TXNL1: variants seen among roughly 807,000 people sequenced by gnomAD.
TXNL1 encodes thioredoxin like 1.
Under a neutral mutation model 35.5 loss-of-function variants are expected in TXNL1, and 14 were observed. That is an observed-to-expected ratio of 0.39 (90% CI 0.26 to 0.62). The LOEUF (loss-of-function observed/expected upper bound fraction) is 0.62, where lower values mean the gene tolerates loss of function less well. Ranked by LOEUF, TXNL1 falls within the 20% of genes least tolerant of loss-of-function variation. TXNL1 has a pLI of 0.47. For synonymous variants in TXNL1, 110 were observed against 115.5 expected (o/e 0.95, Z 0.31); for missense variants, 263 against 349.7 (o/e 0.75, Z 1.98).
In TXNL1 at chr18:56,624,443, T is replaced by A; in HGVS notation, c.214A>T (p.Asn72Tyr). 6.2e-7 allele frequency: 1 copy of A among 1,612,978 alleles called. No individual in the cohort carries two copies. The highest frequency in any genetic ancestry group is 2.2e-5 in the East Asian group (1 of 44,816). ...AAAAATGTAGGTGTTGCTGATATAT[T>A]GTTGGTGGCAGCTGTTCCCTAGAAT... is the stretch of plus-strand genomic sequence containing the variant. ...HQCQGTAATN[N>Y]ISATPTFLFF... The change falls in exon 3 of 8, where the codon AAT becomes TAT. Residue 72 changes from asparagine (N) to tyrosine (Y), a missense_variant. By Grantham distance (143) the Asn-to-Tyr change is moderately radical. Coordinates refer to ENST00000217515, the MANE Select transcript of TXNL1 (RefSeq NM_004786.3).
chr18:56,621,351 C>T (rs1454077373), intron 3 of TXNL1, among the ~76,000 whole-genome samples: 1 of 152,014 alleles, frequency 6.6e-6, no homozygotes, highest in Non-Finnish European at 1.5e-5. Flanking sequence ...TGTGCCACTG[C>T]ACCTGGCTAA....
chr18:56,624,656 C>G (rs2024246241), intron 2 of TXNL1, among the ~76,000 whole-genome samples, 195 bp from the exon 3 acceptor site: 1 of 152,130 alleles, frequency 6.6e-6, no homozygotes. Flanking sequence ...ATTACCATCA[C>G]ACACACAATA....
chr18:56,599,433 T>C lies in TXNL1; in HGVS notation c.*3594A>G, dbSNP rs1404501178. 1 of 152,218 alleles carries C rather than the reference T, an allele frequency of 6.6e-6. No homozygotes were observed. Among genetic ancestry groups the C allele is most frequent in the Admixed American group, 6.5e-5 (1 of 15,280 alleles). 9.4% of individuals were successfully genotyped at this position (152,218 alleles called of 1,614,324 possible). On this transcript the variant is annotated 3_prime_UTR_variant, in exon 8 of 8. Coordinates refer to ENST00000217515, the MANE Select transcript of TXNL1 (RefSeq NM_004786.3). ...TTACTATATGCATGTTATATATACT[T>C]GCTTTATGTGTATTATAAAGCATAA...
At chr18:56,611,552 T>C (rs1177551566) in intron 6 of TXNL1, among the ~76,000 whole-genome samples, 1 of 151,734 alleles carries the variant, frequency 6.6e-6, no homozygotes, top group African/African-American at 2.4e-5. Flanking sequence ...AGACTAGTAC[T>C]CCTATAGGAT....
intron 5 of TXNL1, among the ~76,000 whole-genome samples, chr18:56,615,852 C>T (rs918746885): frequency 1.3e-5 from 2 of 152,040 alleles, no homozygotes; most frequent in Non-Finnish European, 2.9e-5. Context: ...CAAAACAAGC[C>T]AGGTGCGGTG....
intron 1 of TXNL1, among the ~76,000 whole-genome samples, chr18:56,630,952 C>T (rs553788560): frequency 2.4e-4 from 36 of 151,954 alleles, no homozygotes; most frequent in African/African-American, 8.7e-4. Context: ...ATAATCATGG[C>T]TCACTGCAGC....
At chr18:56,621,910 C>T (rs570606825) in intron 3 of TXNL1, among the ~76,000 whole-genome samples, 3 of 150,252 alleles carry the variant, frequency 2.0e-5, no homozygotes, top group Non-Finnish European at 4.4e-5. Flanking sequence ...CGAGGCAGAA[C>T]TGCTTCAAAC....
intron 1 of TXNL1, among the ~76,000 whole-genome samples, chr18:56,638,101 G>C (rs1374201974): frequency 6.6e-6 from 1 of 152,202 alleles, no homozygotes; most frequent in Non-Finnish European, 1.5e-5. Context: ...AAAAGGAGCA[G>C]GTGAGAAATC....
In TXNL1 at chr18:56,616,209, A is replaced by C. The variant is rs769139007; in HGVS notation, c.562+36T>G. 6 of 1,572,198 alleles carry C rather than the reference A, an allele frequency of 3.8e-6. No individual in the cohort carries two copies. The African/African-American group carries it at 8.1e-5, about 21-fold the overall frequency. On this transcript the variant is annotated intron_variant, in intron 5 of 7. Transcript: ENST00000217515. ...TTTTATGCTAACAGTTCTACAAAGC[A>C]GAAGTTAGTTTAAAGAAAAGCTATC...
At chr18:56,611,909 T>C (rs2023999566) in intron 6 of TXNL1, among the ~76,000 whole-genome samples, 1 of 147,358 alleles carries the variant, frequency 6.8e-6, no homozygotes. Flanking sequence ...GGTGCAGTGG[T>C]GCCATCTCAG....
rs1208389711 is a variant in TXNL1 at position 56,603,017 on chromosome 18, CTT to C, written c.*8_*9del. The C allele has an allele frequency of 1.2e-6, 2 of 1,613,752 alleles. No homozygotes were observed. The highest frequency in any genetic ancestry group is 1.7e-6 in the Non-Finnish European group (2 of 1,179,788). The stretch of plus-strand genomic sequence containing the variant: ...TGATTGCAATATGGTTGTCCAGTGT[CTT>C]TTGTACCTTAGTGGCTTTCTCCTTT... On this transcript the variant is annotated 3_prime_UTR_variant, in exon 8 of 8. Transcript: ENST00000217515.
intron 3 of TXNL1, among the ~76,000 whole-genome samples, chr18:56,621,138 G>A (rs1321986253): frequency 6.6e-6 from 1 of 151,704 alleles, no homozygotes; most frequent in Non-Finnish European, 1.5e-5. Context: ...AATAAACTAA[G>A]TGGGTAAATT....
chr18:56,628,284 C>T (rs578054175), intron 1 of TXNL1, among the ~76,000 whole-genome samples: 10 of 152,216 alleles, frequency 6.6e-5, no homozygotes, highest in African/African-American at 2.2e-4. Context: ...CTGGTATTAA[C>T]CATTTTGGAG....
chr18:56,599,102 A>G lies in TXNL1; in HGVS notation c.*3925T>C, dbSNP rs540339522. The G allele has an allele frequency of 7.9e-5, 12 of 152,358 alleles. No homozygotes were observed. Among genetic ancestry groups the G allele is most frequent in the African/African-American group, 2.6e-4 (11 of 41,586 alleles). The allele number at this position is 152,358 out of a possible 1,614,324, so 9.4% of individuals were successfully genotyped here. A position where few individuals can be genotyped will look rare whatever the true frequency, so the allele number is the denominator to read the frequency against. On this transcript the variant is annotated 3_prime_UTR_variant, in exon 8 of 8. Transcript: ENST00000217515. ...CATTGCATATCCTTAAGATTTTAAT[A>G]TTCCAAGCTGTGTACAATTTTAGTA...
At position 56,599,954 on chromosome 18, in the gene TXNL1, C is replaced by T. The variant is rs904249561; in HGVS notation, c.*3073G>A. ...GAGATATACCTAACACAAAAATTAA[C>T]CTACTAAATTGAACTATATGAGTAT... On this transcript the variant is annotated 3_prime_UTR_variant, in exon 8 of 8. Coordinates refer to ENST00000217515, the MANE Select transcript of TXNL1 (RefSeq NM_004786.3). 1 of 152,052 alleles carries T rather than the reference C, an allele frequency of 6.6e-6. No homozygotes were observed. Among genetic ancestry groups the T allele is most frequent in the Non-Finnish European group, 1.5e-5 (1 of 68,024 alleles). 9.4% of individuals were successfully genotyped at this position (152,052 alleles called of 1,614,324 possible).
intron 1 of TXNL1, among the ~76,000 whole-genome samples, chr18:56,637,009 T>C (rs2024465908): frequency 6.6e-6 from 1 of 152,204 alleles, no homozygotes; most frequent in African/African-American, 2.4e-5. Flanking sequence ...AGGTGTTTTA[T>C]ATATATGACA....
chr18:56,626,797 CTTTTTTTTTTT>C (rs386387792), intron 1 of TXNL1, among the ~76,000 whole-genome samples: 581 of 55,062 alleles, frequency 0.011, 47 homozygotes, highest in Admixed American at 0.082. Flanking sequence ...CCAAGCCGGT[CTTTTTTTTTTT>C]TTTTTTTTTT....
At chr18:56,621,673 T>C (rs994234225) in intron 3 of TXNL1, among the ~76,000 whole-genome samples, 1 of 152,060 alleles carries the variant, frequency 6.6e-6, no homozygotes, top group Non-Finnish European at 1.5e-5. Context: ...GGGAAAATAA[T>C]CAGGTTAATC....
intron 1 of TXNL1, among the ~76,000 whole-genome samples, chr18:56,635,234 G>A (rs1043459375): frequency 3.3e-5 from 5 of 152,028 alleles, no homozygotes; most frequent in African/African-American, 1.2e-4. Flanking sequence ...CTCCAGCCTG[G>A]GCAACAGAGC....
Sources: allele counts gnomAD v4.1 joint callset (sites outside exome capture counted in the v4.1 genomes callset), GRCh38; gene constraint gnomAD v4.1.1; transcripts MANE v1.5; gene names NCBI Gene and HGNC (gene_info 2026-07-23, HGNC 2026-07-21).